Variants in CTDSPL observed in about 807,000 individuals in gnomAD.
CTDSPL encodes the protein CTD small phosphatase-like protein.
A neutral mutation model predicts 30.5 loss-of-function variants in CTDSPL; 8 were observed. The ratio of observed to expected loss-of-function variants is 0.26; its 90% CI spans 0.15 to 0.47. The LOEUF (loss-of-function observed/expected upper bound fraction) is 0.47. Among genes scored for constraint, CTDSPL ranks in the 20% least tolerant of loss-of-function variants. The pLI is 0.99. For missense variants in CTDSPL, 248 were observed against 366.1 expected (o/e 0.68, Z 2.63); for synonymous variants, 110 against 137.9 (o/e 0.80, Z 1.42).
At chr3:37,863,170 T>C (rs1166977976) in intron 1 of CTDSPL, among the ~76,000 whole-genome samples, 1 of 152,204 alleles carries the variant, frequency 6.6e-6, no homozygotes, top group East Asian at 1.9e-4. Flanking sequence ...TTGGGAGGAC[T>C]TACAAGGCCT....
intron 1 of CTDSPL, among the ~76,000 whole-genome samples, chr3:37,897,930 C>T (rs1285225637): frequency 6.6e-6 from 1 of 152,122 alleles, no homozygotes; most frequent in Admixed American, 6.5e-5. Context: ...TTTTGGAGTG[C>T]CGGTTATACA....
At chr3:37,887,098 T>G (rs1393033768) in intron 1 of CTDSPL, among the ~76,000 whole-genome samples, 1 of 152,232 alleles carries the variant, frequency 6.6e-6, no homozygotes, top group Non-Finnish European at 1.5e-5. Flanking sequence ...GTCACGGCAG[T>G]GGCTCAGTAC....
At chr3:37,900,140 CCAAG>C (rs1235539373) in intron 1 of CTDSPL, among the ~76,000 whole-genome samples, 1 of 152,096 alleles carries the variant, frequency 6.6e-6, no homozygotes, top group African/African-American at 2.4e-5. Context: ...TGGGTTAGAA[CCAAG>C]GAAGGAAGTT....
chr3:37,938,681 T>G (rs1365384171), intron 1 of CTDSPL, among the ~76,000 whole-genome samples: 1 of 146,920 alleles, frequency 6.8e-6, no homozygotes, highest in Non-Finnish European at 1.5e-5. Context: ...TTTTGTGGGT[T>G]TTTTTTTTGT....
At chr3:37,922,287 T>C (rs1698726419) in intron 1 of CTDSPL, among the ~76,000 whole-genome samples, 1 of 151,972 alleles carries the variant, frequency 6.6e-6, no homozygotes, top group East Asian at 1.9e-4. Context: ...CAGCCACCTC[T>C]AGCAGCCCCT....
chr3:37,877,680 C>CTATAAAGGAATACATGAGATGGGTAATT (rs372180283), intron 1 of CTDSPL, among the ~76,000 whole-genome samples: 1 of 152,088 alleles, frequency 6.6e-6, no homozygotes, highest in Non-Finnish European at 1.5e-5. Flanking sequence ...TTTTGCATTG[C>CTATAAAGGAATACATGAGATGGGTAATT]TATAAAGAAA....
At chr3:37,935,930 C>T (rs937129218) in intron 1 of CTDSPL, among the ~76,000 whole-genome samples, 2 of 152,184 alleles carry the variant, frequency 1.3e-5, no homozygotes, top group African/African-American at 4.8e-5. Flanking sequence ...AGAATAGGTA[C>T]TTTGAGTCTC....
At chr3:37,979,300 T>TAAA (rs781634182) in intron 7 of CTDSPL, among the ~76,000 whole-genome samples, 8 of 138,864 alleles carry the variant, frequency 5.8e-5, no homozygotes, top group African/African-American at 1.6e-4. Flanking sequence ...CTGTCGCTAC[T>TAAA]AAAAAAAAAA....
rs1575330131 is a variant in CTDSPL at position 37,984,429 on chromosome 3, A to G, written c.*3562A>G. ...GAGTATTGTCAATCAAAAGGTTTGC[A>G]ATGATTTCCTTCCTGCCAAAAATAA... On this transcript the variant is annotated 3_prime_UTR_variant, in exon 8 of 8. Transcript: ENST00000273179. The G allele has an allele frequency of 2.5e-6, 1 of 403,546 alleles. No homozygotes were observed. 25.0% of individuals were successfully genotyped at this position (403,546 alleles called of 1,614,324 possible).
intron 1 of CTDSPL, among the ~76,000 whole-genome samples, chr3:37,914,034 C>T (rs867639715): frequency 2.6e-5 from 4 of 152,282 alleles, no homozygotes; most frequent in East Asian, 1.9e-4. Flanking sequence ...GCAGAATTGA[C>T]GTCTTCACAG....
At chr3:37,903,433 T>A (rs1174072165) in intron 1 of CTDSPL, among the ~76,000 whole-genome samples, 1 of 152,124 alleles carries the variant, frequency 6.6e-6, no homozygotes, top group East Asian at 1.9e-4. Flanking sequence ...TGAGGCTGAT[T>A]TTGGAAGCTG....
rs191830175 is a variant in CTDSPL, at chr3:37,957,142, G to A, written c.266G>A (p.Ser89Asn). 2.2e-5 allele frequency: 35 copies of A among 1,586,100 alleles called. No homozygotes were observed. The Admixed American group carries it at 3.5e-4, about 16-fold the overall frequency. ...GDQRQVIPIP[S>N]PPAKYLLPEV... ...CAGAGGCAGGTCATTCCCATACCAA[G>A]TGTATGTATATTTATCTAATTTTAT... The change falls in exon 3 of 8, where the codon AGT becomes AAT. Residue 89 changes from serine (S) to asparagine (N), a missense_variant and splice_region_variant. By Grantham distance (46) the Ser-to-Asn change is conservative. Transcript: ENST00000273179.
At position 37,862,194 on chromosome 3, in the gene CTDSPL, G is replaced by A; in HGVS notation, c.-6G>A. The A allele has an allele frequency of 3.3e-6, 4 of 1,220,724 alleles. No individual in the cohort carries two copies. The highest frequency in any genetic ancestry group is 1.6e-5 in the African/African-American group (1 of 62,948). The allele number at this position is 1,220,724 out of a possible 1,614,324, so 75.6% of individuals were successfully genotyped here. A position where few individuals can be genotyped will look rare whatever the true frequency, so the allele number is the denominator to read the frequency against. On this transcript the variant is annotated 5_prime_UTR_variant, in exon 1 of 8. Coordinates refer to ENST00000273179, the MANE Select transcript of CTDSPL (RefSeq NM_001008392.2). This position sits in a 1 kb window ranked among gnomAD's most constrained non-coding sequence, Gnocchi z 4.3. ...GGCCTGCGGGCGGCCGCCGCGCCGCGCACCCATGGACGGCCCGGCCATCAT... is the reference window on the plus strand; with the variant it reads ...GGCCTGCGGGCGGCCGCCGCGCCGCACACCCATGGACGGCCCGGCCATCAT...
At chr3:37,910,476 T>A (rs1297487243) in intron 1 of CTDSPL, among the ~76,000 whole-genome samples, 2 of 152,008 alleles carry the variant, frequency 1.3e-5, no homozygotes, top group Admixed American at 6.6e-5. Flanking sequence ...AACAAAACTC[T>A]ATCTCAGAAC....
At chr3:37,944,836 T>C (rs1456876728) in intron 1 of CTDSPL, 1 of 150,522 alleles carries the variant, frequency 6.6e-6, no homozygotes, top group Non-Finnish European at 1.5e-5. Context: ...GGAGGCACGA[T>C]GGCCTCCCAG....
rs148098549 is a variant in CTDSPL at position 37,971,031 on chromosome 3, C to T, written c.427-376C>T. On this transcript the variant is annotated intron_variant, in intron 5 of 7. Transcript: ENST00000273179. ...AAAGGACAACACCCAGACCGTGGCC[C>T]GTGCCCACACAGGTCCTGACCCTCA... is the stretch of plus-strand genomic sequence containing the variant. Among the ~76,000 whole-genome samples the T allele has an allele frequency of 1.4e-4, 21 of 152,306 alleles. No individual in the cohort carries two copies. The East Asian group carries it at 3.5e-3, about 25-fold the overall frequency.
Position 37,862,408 on chromosome 3 carries a change from G to A in CTDSPL, c.79+130G>A. On this transcript the variant is annotated intron_variant, in intron 1 of 7. Coordinates refer to ENST00000273179, the MANE Select transcript of CTDSPL (RefSeq NM_001008392.2). The surrounding 1 kb of genome is among the most constrained non-coding windows in gnomAD (Gnocchi z 4.3). The stretch of plus-strand genomic sequence containing the variant: ...GGCCCGGAGGGTGCGTGGGTGTGGG[G>A]TGCGCCCGGAGGAGAGCGAGGCTGC... The A allele has an allele frequency of 1.5e-6, 1 of 680,160 alleles. No individual in the cohort carries two copies. Among genetic ancestry groups the A allele is most frequent in the Non-Finnish European group, 2.1e-6 (1 of 487,368 alleles). 42.1% of individuals were successfully genotyped at this position (680,160 alleles called of 1,614,324 possible).
At chr3:37,961,144 CA>C (rs1456018346) in intron 3 of CTDSPL, among the ~76,000 whole-genome samples, 23 of 151,894 alleles carry the variant, frequency 1.5e-4, no homozygotes, top group Admixed American at 9.8e-4. Flanking sequence ...TCCTTTTTTC[CA>C]AGTGGCTACT....
At position 37,981,086 on chromosome 3, in the gene CTDSPL, C is replaced by A; in HGVS notation, c.*219C>A. On this transcript the variant is annotated 3_prime_UTR_variant, in exon 8 of 8. Transcript: ENST00000273179. ...ATTTCATAAAGGGACATGCATTTTA[C>A]TGGGTTTGCTTTTCTTAAAACATAC... is the stretch of plus-strand genomic sequence containing the variant. 2 of 332,074 alleles carry A rather than the reference C, an allele frequency of 6.0e-6. No homozygotes were observed. 20.6% of individuals were successfully genotyped at this position (332,074 alleles called of 1,614,324 possible). A position where few individuals can be genotyped will look rare whatever the true frequency, so the allele number is the denominator to read the frequency against.
Sources: allele counts gnomAD v4.1 joint callset (sites outside exome capture counted in the v4.1 genomes callset), GRCh38; gene constraint gnomAD v4.1.1; non-coding constraint Gnocchi (gnomAD v3.1); transcripts MANE v1.5; gene names NCBI Gene and HGNC (gene_info 2026-07-23, HGNC 2026-07-21).